STT3B: variants seen among roughly 807,000 people sequenced by gnomAD.
The protein encoded by STT3B is dolichyl-diphosphooligosaccharide--protein glycosyltransferase subunit STT3B.
A neutral mutation model predicts 96.8 loss-of-function variants in STT3B; 29 were observed. The ratio of observed to expected loss-of-function variants is 0.30; its 90% confidence interval spans 0.22 to 0.41. The LOEUF (loss-of-function observed/expected upper bound fraction) is 0.41, where lower values mean the gene tolerates loss of function less well. Ranked by LOEUF, STT3B falls within the 10% of genes least tolerant of loss-of-function variation. The pLI is 1.00. For synonymous variants in STT3B, 367 were observed against 360.0 expected (o/e 1.02, Z -0.22); for missense variants, 640 against 1,022.3 (o/e 0.63, Z 5.10).
intron 4 of STT3B, among the ~76,000 whole-genome samples, chr3:31,599,964 CA>C (rs1698893189): frequency 6.6e-6 from 1 of 152,030 alleles, no homozygotes; most frequent in Non-Finnish European, 1.5e-5. Context: ...ACCTTTCTTA[CA>C]ACAAATTTGT....
chr3:31,566,383 GT>G (rs1324972339), intron 1 of STT3B, among the ~76,000 whole-genome samples: 3 of 152,168 alleles, frequency 2.0e-5, no homozygotes, highest in Non-Finnish European at 4.4e-5. Flanking sequence ...TTGTGCCTTA[GT>G]CTAATCATAT....
chr3:31,633,104 G>A lies in STT3B; in HGVS notation c.2357G>A (p.Arg786Gln), dbSNP rs779573290. The A allele has an allele frequency of 3.7e-6, 6 of 1,613,946 alleles. No individual in the cohort carries two copies. Among genetic ancestry groups the A allele is most frequent in the Non-Finnish European group, 5.1e-6 (6 of 1,179,930 alleles). Residue 786 changes from arginine to glutamine, a missense_variant, in exon 15 of 16, where the codon CGA becomes CAA. Transcript: ENST00000295770. ...AGGGAGACATTAGATCACAAACCTC[G>A]AGTCACCAACATTTTCCCAAAACAG... ...DNRETLDHKP[R>Q]VTNIFPKQKY...
chr3:31,544,891 T>G (rs1344436471), intron 1 of STT3B, among the ~76,000 whole-genome samples: 1 of 152,008 alleles, frequency 6.6e-6, no homozygotes, highest in Non-Finnish European at 1.5e-5. Flanking sequence ...GAGCCGAGAT[T>G]GCACCACCGC....
At chr3:31,571,382 C>A (rs1347812697) in intron 1 of STT3B, among the ~76,000 whole-genome samples, 1 of 150,616 alleles carries the variant, frequency 6.6e-6, no homozygotes, top group Non-Finnish European at 1.5e-5. Flanking sequence ...CAAGTATTTT[C>A]AGCATCACTA....
At chr3:31,540,592 A>G (rs1040334212) in intron 1 of STT3B, among the ~76,000 whole-genome samples, 2 of 152,062 alleles carry the variant, frequency 1.3e-5, no homozygotes, top group Non-Finnish European at 2.9e-5. Context: ...CTTCAAATGC[A>G]TTGTTTTAAA....
At chr3:31,616,495 A>G (rs1391863464) in intron 6 of STT3B, among the ~76,000 whole-genome samples, 1 of 151,972 alleles carries the variant, frequency 6.6e-6, no homozygotes, top group East Asian at 1.9e-4. Flanking sequence ...ACTCAGTTAT[A>G]AATAGTAACT....
chr3:31,573,739 A>G (rs1698207471), intron 1 of STT3B, among the ~76,000 whole-genome samples: 2 of 152,182 alleles, frequency 1.3e-5, no homozygotes, highest in Non-Finnish European at 2.9e-5. Context: ...TGGTTTGGAC[A>G]TGAGAAGAAA....
Position 31,629,314 on chromosome 3 carries a change from C to T in STT3B, c.2090C>T (p.Thr697Ile). The change falls in exon 14 of 16, where the codon ACC becomes ATC. Residue 697 changes from threonine to isoleucine, a missense_variant. Physicochemically the swap from Thr to Ile is moderately conservative, Grantham distance 89. Transcript: ENST00000295770. ...PKDIRESDYF[T>I]PQGEFRVDKA... ...TTCTTGTAGGAAAGTGACTATTTTA[C>T]CCCACAGGGAGAATTCCGTGTAGAC... 2 of 1,601,434 alleles carry T rather than the reference C, an allele frequency of 1.2e-6. No homozygotes were observed. The highest frequency in any genetic ancestry group is 1.7e-6 in the Non-Finnish European group (2 of 1,170,786).
At chr3:31,566,799 G>A (rs1023248235) in intron 1 of STT3B, among the ~76,000 whole-genome samples, 1 of 152,090 alleles carries the variant, frequency 6.6e-6, no homozygotes, top group Non-Finnish European at 1.5e-5. Context: ...GTTTCAAACT[G>A]TAATTACCTG....
intron 1 of STT3B, among the ~76,000 whole-genome samples, chr3:31,543,087 GAA>G (rs1697320870): frequency 9.9e-6 from 1 of 101,000 alleles, no homozygotes; most frequent in Admixed American, 1.0e-4. Context: ...AAAAAAAAGA[GAA>G]AGAAATAAAT....
intron 1 of STT3B, among the ~76,000 whole-genome samples, chr3:31,572,956 G>C (rs1468921668): frequency 6.6e-6 from 1 of 152,170 alleles, no homozygotes; most frequent in Non-Finnish European, 1.5e-5. Context: ...TAGATATTAA[G>C]GAAACAGATG....
chr3:31,603,584 T>C (rs1365003886), intron 5 of STT3B, among the ~76,000 whole-genome samples: 1 of 152,160 alleles, frequency 6.6e-6, no homozygotes, highest in Non-Finnish European at 1.5e-5. Flanking sequence ...AAAGAATGGC[T>C]TGCAGGAAAT....
intron 13 of STT3B, among the ~76,000 whole-genome samples, chr3:31,627,486 C>G (rs1461246979): frequency 6.6e-6 from 1 of 152,162 alleles, no homozygotes; most frequent in East Asian, 1.9e-4. Flanking sequence ...TTACCTCTTT[C>G]ACTAAATTGT....
chr3:31,539,547 GTTTAA>G (rs1377963846), intron 1 of STT3B, among the ~76,000 whole-genome samples: 1 of 152,080 alleles, frequency 6.6e-6, no homozygotes, highest in Non-Finnish European at 1.5e-5. Context: ...AGTGTCCTCT[GTTTAA>G]TTTATGTTTT....
Position 31,633,045 on chromosome 3 carries a change from T to C in STT3B, c.2298T>C (p.Leu766=). The change falls in exon 15 of 16, where the codon CTT becomes CTC. Residue 766 remains leucine, a synonymous_variant. Coordinates refer to ENST00000295770, the MANE Select transcript of STT3B (RefSeq NM_178862.3). The stretch of plus-strand genomic sequence containing the variant: ...AAGCCTTTACATCAGAACACTGGCT[T>C]GTTAGGATATATAAAGTAAAAGCAC... ...LEEAFTSEHW[L]VRIYKVKAPD... 1.2e-6 allele frequency: 2 copies of C among 1,614,092 alleles called. No individual in the cohort carries two copies. Among genetic ancestry groups the C allele is most frequent in the Non-Finnish European group, 1.7e-6 (2 of 1,179,972 alleles).
intron 1 of STT3B, among the ~76,000 whole-genome samples, chr3:31,570,281 G>A (rs1698106551): frequency 6.6e-6 from 1 of 152,138 alleles, no homozygotes; most frequent in African/African-American, 2.4e-5. Context: ...TGAGTGAACT[G>A]CCAGAAACTA....
intron 9 of STT3B, 77 bp from the exon 10 acceptor site, chr3:31,622,020 T>TA: frequency 9.6e-7 from 1 of 1,044,126 alleles, no homozygotes; most frequent in Non-Finnish European, 1.4e-6. Context: ...AGGTTGGTTT[T>TA]ATAGTTTTAA....
intron 1 of STT3B, among the ~76,000 whole-genome samples, chr3:31,567,747 G>T (rs1051391384): frequency 8.6e-5 from 13 of 151,608 alleles, no homozygotes; most frequent in Non-Finnish European, 1.2e-4. Context: ...TCTATTTATG[G>T]GTTATATGTG....
chr3:31,610,474 T>G (rs1000379098), intron 5 of STT3B, among the ~76,000 whole-genome samples: 1 of 101,070 alleles, frequency 9.9e-6, no homozygotes, highest in Non-Finnish European at 2.7e-5. Context: ...GCACTGTCAA[T>G]GTAAGCTGCA....
Sources: allele counts gnomAD v4.1 joint callset (sites outside exome capture counted in the v4.1 genomes callset), GRCh38; gene constraint gnomAD v4.1.1; transcripts MANE v1.5; gene names NCBI Gene and HGNC (gene_info 2026-07-23, HGNC 2026-07-21).